Variants in MTCL2 observed in about 807,000 individuals in gnomAD.
The protein encoded by MTCL2 is microtubule cross-linking factor 2.
the MTCL2 span, chr20:36,779,206 T>TG: frequency 6.6e-6 from 1 of 152,414 alleles, no homozygotes; most frequent in Admixed American, 6.6e-5. Context: ...GCTGTTGGGT[T>TG]GGGAGGGGTA....
chr20:36,813,752 CAAAAAAAAA>C, the MTCL2 span, among the ~76,000 whole-genome samples: 40 of 65,848 alleles, frequency 6.1e-4, 1 homozygote, highest in East Asian at 0.02. Context: ...GACTCTGTCT[CAAAAAAAAA>C]AAAAAAAAAA....
chr20:36,806,876 T>A, the MTCL2 span, among the ~76,000 whole-genome samples: 1 of 152,176 alleles, frequency 6.6e-6, no homozygotes, highest in African/African-American at 2.4e-5. Context: ...CTCTCTCTTT[T>A]ACTCTAGGAT....
At chr20:36,821,958 A>C in the MTCL2 span, among the ~76,000 whole-genome samples, 5 of 152,254 alleles carry the variant, frequency 3.3e-5, no homozygotes, top group African/African-American at 9.6e-5. Context: ...CCTTTCCAGC[A>C]GGCAGAGAAA....
the MTCL2 span, among the ~76,000 whole-genome samples, chr20:36,828,116 T>C: frequency 6.6e-6 from 1 of 152,194 alleles, no homozygotes; most frequent in Non-Finnish European, 1.5e-5. Flanking sequence ...GCGAGGAGTG[T>C]GCCCTAGAAG....
At chr20:36,797,462 C>G in the MTCL2 span, 6 of 1,548,754 alleles carry the variant, frequency 3.9e-6, no homozygotes, top group South Asian at 7.1e-5. Flanking sequence ...TATGGTGCAG[C>G]CAGGAGCCAA....
At chr20:36,790,629 G>T in the MTCL2 span, among the ~76,000 whole-genome samples, 1 of 150,386 alleles carries the variant, frequency 6.6e-6, no homozygotes, top group Admixed American at 6.7e-5. Context: ...TAGAGATGGG[G>T]TTTCACTGTG....
chr20:36,823,840 A>C, the MTCL2 span, among the ~76,000 whole-genome samples: 3 of 152,166 alleles, frequency 2.0e-5, no homozygotes, highest in Non-Finnish European at 4.4e-5. Flanking sequence ...AAATAAACTA[A>C]GCGCTAGAGC....
At chr20:36,846,148 G>C in the MTCL2 span, among the ~76,000 whole-genome samples, 4 of 151,966 alleles carry the variant, frequency 2.6e-5, no homozygotes, top group Admixed American at 2.6e-4. Flanking sequence ...AGAGGTTGTA[G>C]TGAGCCAAGA....
At chr20:36,797,518 T>A in the MTCL2 span, 1 of 1,554,788 alleles carries the variant, frequency 6.4e-7, no homozygotes, top group East Asian at 2.4e-5. Context: ...CCAGCTGTTG[T>A]CCTGCTTCTC....
chr20:36,829,361 T>C, the MTCL2 span: 1 of 782,908 alleles, frequency 1.3e-6, no homozygotes, highest in South Asian at 1.9e-5. Flanking sequence ...ATGAGCAAAC[T>C]GAGGCACAAA....
chr20:36,857,837 G>A, the MTCL2 span, among the ~76,000 whole-genome samples: 4 of 152,142 alleles, frequency 2.6e-5, no homozygotes, highest in African/African-American at 7.2e-5. Flanking sequence ...ATAAGGGATC[G>A]GCAATGACTG....
chr20:36,794,373 G>T, the MTCL2 span: 1 of 1,611,836 alleles, frequency 6.2e-7, no homozygotes, highest in South Asian at 1.1e-5. The surrounding 1 kb of genome is among the most constrained non-coding windows in gnomAD (Gnocchi z 5.4). Flanking sequence ...CGCTGCATCT[G>T]CCTCCCTGGG....
chr20:36,789,894 C>T, the MTCL2 span, among the ~76,000 whole-genome samples: 3 of 152,146 alleles, frequency 2.0e-5, no homozygotes, highest in African/African-American at 7.2e-5. Context: ...GCGATATTGG[C>T]TCACTGCCTC....
At chr20:36,795,971 C>T in the MTCL2 span, among the ~76,000 whole-genome samples, 2 of 152,100 alleles carry the variant, frequency 1.3e-5, no homozygotes, top group Non-Finnish European at 2.9e-5. Flanking sequence ...TGAGTTCCTC[C>T]GACAGCCTGA....
chr20:36,793,644 G>T, the MTCL2 span: 3 of 1,550,956 alleles, frequency 1.9e-6, no homozygotes, highest in African/African-American at 4.1e-5. The surrounding 1 kb of genome is among the most constrained non-coding windows in gnomAD (Gnocchi z 6.8). Context: ...GGGCTGTCCC[G>T]CGTGGTGGTG....
the MTCL2 span, among the ~76,000 whole-genome samples, chr20:36,844,373 C>G: frequency 6.7e-6 from 1 of 148,968 alleles, no homozygotes; most frequent in African/African-American, 2.5e-5. Flanking sequence ...CTGGGCAACA[C>G]AGTAAGACCT....
the MTCL2 span, chr20:36,782,202 C>G: frequency 1.3e-5 from 2 of 152,180 alleles, no homozygotes; most frequent in Non-Finnish European, 2.9e-5. Context: ...TCTGAACATG[C>G]CCTCAGAGAA....
chr20:36,839,272 G>A, the MTCL2 span: 7 of 1,610,784 alleles, frequency 4.3e-6, no homozygotes, highest in Non-Finnish European at 5.9e-6. The surrounding 1 kb of genome is among the most constrained non-coding windows in gnomAD (Gnocchi z 5.1). Flanking sequence ...GCCGGTCTGG[G>A]CGGCACGGAG....
At chr20:36,857,155 G>A in the MTCL2 span, among the ~76,000 whole-genome samples, 3 of 152,222 alleles carry the variant, frequency 2.0e-5, no homozygotes, top group African/African-American at 7.2e-5. Flanking sequence ...TATAACGTCT[G>A]TGTGGGTTTG....
Sources: gnomAD v4.1 joint callset for allele counts (sites outside exome capture counted in the v4.1 genomes callset) on GRCh38, gnomAD v4.1.1 for gene constraint, Gnocchi (gnomAD v3.1) non-coding constraint, MANE v1.5 for transcripts, NCBI Gene and HGNC (gene_info 2026-07-23, HGNC 2026-07-21) for gene names.